PDE11A: variants seen among roughly 807,000 people sequenced by gnomAD.
PDE11A encodes phosphodiesterase 11A, also known as dual 3',5'-cyclic-AMP and -GMP phosphodiesterase 11A.
In PDE11A, 100 loss-of-function variants were observed where a neutral mutation model predicts 100.5. That is an observed-to-expected ratio of 1.00 (90% CI 0.85 to 1.18). The LOEUF (loss-of-function observed/expected upper bound fraction) is 1.18, where lower values mean the gene tolerates loss of function less well. PDE11A is among the 50% of genes most tolerant of loss of function. The probability of loss-of-function intolerance (pLI) is 0.00; values close to 1 mark genes in which losing one functional copy is unlikely to be tolerated. For synonymous variants in PDE11A, 381 were observed against 420.8 expected (o/e 0.91, Z 1.16); for missense variants, 1,141 against 1,152.6 (o/e 0.99, Z 0.15).
At position 177,727,669 on chromosome 2, in the gene PDE11A, C is replaced by T. The variant is rs201629965; in HGVS notation, c.2032G>A (p.Ala678Thr). Reference sequence around the variant, plus strand: ...CTAAGCACACTTACGGTTAACATCGCGAACATCAGCTGACACACGTTGAAG... The same window carrying T: ...CTAAGCACACTTACGGTTAACATCGTGAACATCAGCTGACACACGTTGAAG... ...HAFNVCQLMFAMLTTAGFQDI... is the reference protein window; with the variant it reads ...HAFNVCQLMFTMLTTAGFQDI... The change falls in exon 12 of 20, where the codon GCG becomes ACG. Residue 678 changes from alanine (A) to threonine (T), a missense_variant. Coordinates refer to ENST00000286063, the MANE Select transcript of PDE11A (RefSeq NM_016953.4). 2.5e-4 allele frequency: 402 copies of T among 1,590,634 alleles called. 1 individual carries two copies. In the East Asian group the frequency reaches 5.3e-3, roughly 21 times the overall value.
intron 19 of PDE11A, 93 bp downstream of exon 19, chr2:177,663,773 G>T: frequency 2.5e-6 from 2 of 795,922 alleles, no homozygotes; most frequent in East Asian, 2.5e-5. Context: ...TGCATACCCT[G>T]GAAATGTCTC....
intron 12 of PDE11A, among the ~76,000 whole-genome samples, chr2:177,725,060 G>A (rs552571294): frequency 6.6e-6 from 1 of 152,020 alleles, no homozygotes; most frequent in East Asian, 1.9e-4. Context: ...TCACTGATAA[G>A]ATCAAAACAT....
chr2:178,053,240 A>G (rs2086851803), intron 1 of PDE11A, among the ~76,000 whole-genome samples: 1 of 152,222 alleles, frequency 6.6e-6, no homozygotes, highest in Admixed American at 6.5e-5. Flanking sequence ...AATCCATCAT[A>G]TAAACAGAAC....
intron 16 of PDE11A, among the ~76,000 whole-genome samples, chr2:177,679,557 G>A (rs937048636): frequency 6.6e-6 from 1 of 152,150 alleles, no homozygotes; most frequent in Admixed American, 6.5e-5. Flanking sequence ...TATTAGCAAT[G>A]TTTGATTTGT....
intron 5 of PDE11A, among the ~76,000 whole-genome samples, chr2:177,870,012 T>C (rs1487394313): frequency 1.3e-5 from 2 of 152,226 alleles, no homozygotes; most frequent in African/African-American, 4.8e-5. Flanking sequence ...CAGTCCTGCA[T>C]CATGCACGAG....
At chr2:177,948,069 ATGTGCATG>A (rs2085465826) in intron 2 of PDE11A, among the ~76,000 whole-genome samples, 1 of 151,916 alleles carries the variant, frequency 6.6e-6, no homozygotes, top group Non-Finnish European at 1.5e-5. Context: ...AAATAATACT[ATGTGCATG>A]TGTGTATATG....
intron 19 of PDE11A, among the ~76,000 whole-genome samples, chr2:177,639,243 A>G (rs1255664064): frequency 2.0e-5 from 3 of 152,088 alleles, no homozygotes; most frequent in Non-Finnish European, 4.4e-5. Flanking sequence ...GTTGTTTCAT[A>G]TATTTTTCAG....
At chr2:177,677,692 C>G (rs934395779) in intron 16 of PDE11A, among the ~76,000 whole-genome samples, 2 of 152,046 alleles carry the variant, frequency 1.3e-5, no homozygotes, top group African/African-American at 4.8e-5. Context: ...AAGGGAGGCA[C>G]AGGGATGGAA....
intron 2 of PDE11A, among the ~76,000 whole-genome samples, chr2:177,928,221 CTTAT>C (rs1050252370): frequency 6.6e-6 from 1 of 150,622 alleles, no homozygotes; most frequent in African/African-American, 2.4e-5. Flanking sequence ...AAAGATTTTA[CTTAT>C]GTGATTCTAA....
chr2:177,754,723 C>T (rs545833790), intron 10 of PDE11A, among the ~76,000 whole-genome samples: 1 of 152,346 alleles, frequency 6.6e-6, no homozygotes, highest in South Asian at 2.1e-4. Flanking sequence ...TAAGCACAGT[C>T]CTGTCTAAAC....
chr2:178,066,404 G>A lies in PDE11A; in HGVS notation c.912+5122C>T. On this transcript the variant is annotated intron_variant, in intron 1 of 19. Coordinates refer to ENST00000286063, the MANE Select transcript of PDE11A (RefSeq NM_016953.4). ...GAGATTCTTAATACTTTTTATCATT[G>A]AATTTGTGCTTTGTAAGCATAGTCC... is the stretch of plus-strand genomic sequence containing the variant. Among the ~76,000 whole-genome samples, 2 of 152,252 alleles carry A rather than the reference G, an allele frequency of 1.3e-5. 1 individual carries two copies. Among genetic ancestry groups the A allele is most frequent in the South Asian group, 4.1e-4 (2 of 4,820 alleles).
rs2081630229 is a variant in PDE11A at position 177,728,161 on chromosome 2, G to A, written c.1800C>T (p.Ile600=). ...CGATGGCAAGTTCTGACACCAGAGGGATGTTGGCTGCCTAGAAAAGCAAAA... is the reference window on the plus strand; with the variant it reads ...CGATGGCAAGTTCTGACACCAGAGGAATGTTGGCTGCCTAGAAAAGCAAAA... ...AEVDKFKAAN[I]PLVSELAIDD... is the part of the protein sequence containing the mutation. Residue 600 remains isoleucine (I), a synonymous_variant, in exon 11 of 20, where the codon ATC becomes ATT. Transcript: ENST00000286063. The A allele has an allele frequency of 6.2e-7, 1 of 1,613,152 alleles. No homozygotes were observed. The highest frequency in any genetic ancestry group is 1.3e-5 in the African/African-American group (1 of 74,838).
intron 2 of PDE11A, among the ~76,000 whole-genome samples, chr2:177,980,170 A>G (rs1036959150): frequency 6.6e-5 from 10 of 150,464 alleles, no homozygotes; most frequent in Admixed American, 2.0e-4. Context: ...AAAAAAACGA[A>G]GAATACCAGC....
chr2:177,678,259 C>A (rs1454769488), intron 16 of PDE11A, among the ~76,000 whole-genome samples: 1 of 152,148 alleles, frequency 6.6e-6, no homozygotes, highest in Non-Finnish European at 1.5e-5. Flanking sequence ...ACACAAACGA[C>A]ACCCAGAGAG....
intron 2 of PDE11A, among the ~76,000 whole-genome samples, chr2:177,908,340 T>C (rs1008703048): frequency 2.0e-5 from 3 of 152,138 alleles, no homozygotes; most frequent in Admixed American, 1.3e-4. Context: ...GGGCAATTTG[T>C]CTAGCAGATG....
intron 2 of PDE11A, among the ~76,000 whole-genome samples, chr2:177,961,845 G>A (rs1028983276): frequency 2.0e-5 from 3 of 151,930 alleles, no homozygotes; most frequent in Non-Finnish European, 2.9e-5. Context: ...TTGGGAGGCC[G>A]AGGTTAGAAG....
intron 17 of PDE11A, among the ~76,000 whole-genome samples, chr2:177,671,589 A>G (rs2080682894): frequency 1.3e-5 from 2 of 152,148 alleles, no homozygotes; most frequent in African/African-American, 2.4e-5. Context: ...TTAAAAAAAA[A>G]AAAATTTAAC....
intron 10 of PDE11A, among the ~76,000 whole-genome samples, chr2:177,758,215 T>C (rs1327423900): frequency 7.0e-6 from 1 of 143,336 alleles, no homozygotes; most frequent in Non-Finnish European, 1.5e-5. Context: ...GAGAATAGCA[T>C]GAACCCGGGA....
chr2:178,063,690 G>A (rs573406994), intron 1 of PDE11A, among the ~76,000 whole-genome samples: 93 of 152,286 alleles, frequency 6.1e-4, no homozygotes, highest in Non-Finnish European at 1.1e-3. Context: ...TTGTCTGGGT[G>A]TATGAGATTT....
Sources: allele counts gnomAD v4.1 joint callset (sites outside exome capture counted in the v4.1 genomes callset), GRCh38; gene constraint gnomAD v4.1.1; transcripts MANE v1.5; gene names NCBI Gene and HGNC (gene_info 2026-07-23, HGNC 2026-07-21).